LRMDA: variants seen among roughly 807,000 people sequenced by gnomAD.
LRMDA encodes leucine-rich melanocyte differentiation-associated protein.
In LRMDA, 18 loss-of-function variants were observed where a neutral mutation model predicts 29.8. The ratio of observed to expected loss-of-function variants is 0.60; its 90% CI spans 0.42 to 0.90. LRMDA has a LOEUF of 0.90. Among genes scored for constraint, LRMDA ranks in the 40% least tolerant of loss-of-function variants. The pLI, the probability that LRMDA is intolerant of heterozygous loss-of-function variation, is 0.00. For missense variants in LRMDA, 273 were observed against 273.9 expected (o/e 1.00, Z 0.02); for synonymous variants, 125 against 109.4 (o/e 1.14, Z -0.89).
intron 5 of LRMDA, among the ~76,000 whole-genome samples, chr10:76,073,292 A>G (rs183540038): frequency 4.7e-4 from 72 of 152,244 alleles, no homozygotes; most frequent in African/African-American, 1.7e-3. Context: ...ACATGTAGGG[A>G]ATATGTGTGT....
chr10:76,208,030 A>T (rs1331328301), intron 5 of LRMDA, among the ~76,000 whole-genome samples: 2 of 152,142 alleles, frequency 1.3e-5, no homozygotes, highest in Admixed American at 1.3e-4. Context: ...TAGACCTTCC[A>T]TACTCAGCTG....
In LRMDA at chr10:75,472,890, C is replaced by A. The variant is rs113671803; in HGVS notation, c.131+34396C>A. ...TCCTAACAGGAAGCAGGAGGGTGGG[C>A]GTGGCCAGATCTTAGAATTGAATGA... On this transcript the variant is annotated intron_variant, in intron 2 of 6. Transcript: ENST00000611255. Among the ~76,000 whole-genome samples, 20 of 152,270 alleles carry A rather than the reference C, an allele frequency of 1.3e-4. 1 individual carries two copies. Among genetic ancestry groups the A allele is most frequent in the African/African-American group, 4.8e-4 (20 of 41,554 alleles).
At chr10:76,014,870 C>T (rs889210526) in intron 2 of LRMDA, among the ~76,000 whole-genome samples, 1 of 152,208 alleles carries the variant, frequency 6.6e-6, no homozygotes, top group Non-Finnish European at 1.5e-5. Flanking sequence ...GAGTGGCCAA[C>T]TATTAGAAGG....
intron 6 of LRMDA, among the ~76,000 whole-genome samples, chr10:76,384,626 G>A (rs1841638168): frequency 6.6e-6 from 1 of 152,136 alleles, no homozygotes; most frequent in Admixed American, 6.5e-5. Flanking sequence ...GGCCAGTTCA[G>A]GACTTTCCGT....
intron 5 of LRMDA, among the ~76,000 whole-genome samples, chr10:76,186,221 A>G (rs1174712077): frequency 6.6e-6 from 1 of 152,210 alleles, no homozygotes; most frequent in Non-Finnish European, 1.5e-5. Context: ...AATGTGCCAG[A>G]TGGGCGGCCT....
At chr10:75,627,581 A>G (rs560433076) in intron 2 of LRMDA, among the ~76,000 whole-genome samples, 2 of 152,314 alleles carry the variant, frequency 1.3e-5, no homozygotes, top group South Asian at 4.1e-4. Flanking sequence ...AAGGTCAGTG[A>G]GACAAAAGGC....
rs1267907247 is a variant in LRMDA at position 76,558,550 on chromosome 10, C to T, written c.*1262C>T. 1 of 152,188 alleles carries T rather than the reference C, an allele frequency of 6.6e-6. No individual in the cohort carries two copies. The highest frequency in any genetic ancestry group is 1.5e-5 in the Non-Finnish European group (1 of 68,044). The allele number at this position is 152,188 out of a possible 1,614,324, so 9.4% of individuals were successfully genotyped here. ...ATGTTCAAAAGGTTGATTGATTGTT[C>T]TTGACACGATAGTGTTTATTTTTCT... is the stretch of plus-strand genomic sequence containing the variant. On this transcript the variant is annotated 3_prime_UTR_variant, in exon 7 of 7. Coordinates refer to ENST00000611255, the MANE Select transcript of LRMDA (RefSeq NM_001305581.2).
At chr10:76,504,781 G>T (rs1408236055) in intron 6 of LRMDA, among the ~76,000 whole-genome samples, 1 of 152,040 alleles carries the variant, frequency 6.6e-6, no homozygotes, top group Non-Finnish European at 1.5e-5. Flanking sequence ...TTTAAGTGGG[G>T]TGTTTAGACT....
intron 5 of LRMDA, among the ~76,000 whole-genome samples, chr10:76,305,884 G>A (rs943940417): frequency 4.6e-5 from 7 of 151,904 alleles, no homozygotes; most frequent in Non-Finnish European, 8.8e-5. Context: ...AGAAAATTTT[G>A]AAAAAAGAAA....
chr10:75,692,548 CAT>C (rs1417839245), intron 2 of LRMDA, among the ~76,000 whole-genome samples: 6 of 143,140 alleles, frequency 4.2e-5, no homozygotes, highest in Non-Finnish European at 9.0e-5. Context: ...CATATATACA[CAT>C]ATACATATGT....
intron 5 of LRMDA, among the ~76,000 whole-genome samples, chr10:76,119,361 G>T (rs748521967): frequency 1.3e-5 from 2 of 152,050 alleles, no homozygotes; most frequent in African/African-American, 4.8e-5. Context: ...GTAGCAAAGC[G>T]TATGGAATAA....
chr10:75,699,428 C>G (rs972040547), intron 2 of LRMDA, among the ~76,000 whole-genome samples: 1 of 152,142 alleles, frequency 6.6e-6, no homozygotes, highest in Non-Finnish European at 1.5e-5. Context: ...TATAAAAACA[C>G]TTATCTCTGC....
chr10:75,678,747 C>T (rs1057171833), intron 2 of LRMDA, among the ~76,000 whole-genome samples: 5 of 152,064 alleles, frequency 3.3e-5, no homozygotes, highest in Admixed American at 3.3e-4. Flanking sequence ...CATTTTACTT[C>T]CAGTAAGTGA....
intron 2 of LRMDA, among the ~76,000 whole-genome samples, chr10:75,784,390 T>A (rs1352554693): frequency 6.6e-6 from 1 of 152,124 alleles, no homozygotes; most frequent in Non-Finnish European, 1.5e-5. Context: ...TATGAATGGT[T>A]AGTTGGTTAA....
chr10:75,969,658 A>T (rs1228937827), intron 2 of LRMDA, among the ~76,000 whole-genome samples: 1 of 152,172 alleles, frequency 6.6e-6, no homozygotes, highest in Admixed American at 6.5e-5. Flanking sequence ...GCATCAGCCC[A>T]ATGCTTTAAT....
At chr10:75,534,195 A>G (rs948563539) in intron 2 of LRMDA, among the ~76,000 whole-genome samples, 2 of 152,236 alleles carry the variant, frequency 1.3e-5, no homozygotes, top group South Asian at 2.1e-4. Context: ...CTGATGCGCA[A>G]TTGTGAGGTG....
chr10:75,727,215 G>T (rs1842641502), intron 2 of LRMDA, among the ~76,000 whole-genome samples: 1 of 152,130 alleles, frequency 6.6e-6, no homozygotes, highest in African/African-American at 2.4e-5. Context: ...GTGATGCTGT[G>T]TGCATGTTTC....
intron 2 of LRMDA, among the ~76,000 whole-genome samples, chr10:75,608,547 A>G (rs980406247): frequency 9.9e-5 from 15 of 152,200 alleles, no homozygotes; most frequent in African/African-American, 3.4e-4. Flanking sequence ...TAGTTTGACT[A>G]TAATGTTCAG....
intron 2 of LRMDA, among the ~76,000 whole-genome samples, chr10:75,482,370 G>A (rs988490596): frequency 7.2e-5 from 11 of 152,156 alleles, no homozygotes; most frequent in South Asian, 2.1e-4. Context: ...AGTTGTAGCC[G>A]ATTTGCAGAT....
Sources: allele counts gnomAD v4.1 joint callset (sites outside exome capture counted in the v4.1 genomes callset), GRCh38; gene constraint gnomAD v4.1.1; transcripts MANE v1.5; gene names NCBI Gene and HGNC (gene_info 2026-07-23, HGNC 2026-07-21).